The following OR6N1 variants were observed in gnomAD, a reference collection of about 807,000 sequenced individuals.
The protein encoded by OR6N1 is olfactory receptor family 6 subfamily N member 1, also known as olfactory receptor 6N1.
For synonymous variants in OR6N1, 170 were observed against 150.7 expected, an observed-to-expected ratio of 1.13 and a Z score of -0.94; for missense variants, 394 against 371.7, an observed-to-expected ratio of 1.06 and a Z score of -0.49.
the OR6N1 span, among the ~76,000 whole-genome samples, chr1:158,819,631 G>A: frequency 1.4e-4 from 22 of 152,076 alleles, no homozygotes; most frequent in Non-Finnish European, 2.6e-4. Flanking sequence ...TCCAAAAAAA[G>A]GTGTTGCCAT....
At chr1:158,819,691 GA>G in the OR6N1 span, among the ~76,000 whole-genome samples, 3 of 151,712 alleles carry the variant, frequency 2.0e-5, no homozygotes, top group African/African-American at 2.4e-5. Flanking sequence ...TCCTTTTTAG[GA>G]AAAAAAAGCA....
the OR6N1 span, among the ~76,000 whole-genome samples, chr1:158,805,731 TA>T: frequency 6.6e-6 from 1 of 152,116 alleles, no homozygotes; most frequent in Non-Finnish European, 1.5e-5. Context: ...AAATGGATCT[TA>T]AAAAAATACC....
At chr1:158,817,176 T>C in the OR6N1 span, among the ~76,000 whole-genome samples, 1 of 152,214 alleles carries the variant, frequency 6.6e-6, no homozygotes, top group East Asian at 1.9e-4. Context: ...AAGCAAAAAT[T>C]GGTTATTGAT....
chr1:158,823,860 C>A, the OR6N1 span, among the ~76,000 whole-genome samples: 1 of 152,064 alleles, frequency 6.6e-6, no homozygotes, highest in Non-Finnish European at 1.5e-5. Context: ...CTATAAACTT[C>A]CCTTTTAACA....
chr1:158,768,850 C>CT (rs1657343445), intron 1 of OR6N1, among the ~76,000 whole-genome samples: 1 of 152,280 alleles, frequency 6.6e-6, no homozygotes, highest in African/African-American at 2.4e-5. Context: ...TAATTTTTAA[C>CT]TTTTTTTCCA....
chr1:158,766,165 C>T lies in OR6N1; in HGVS notation c.518G>A (p.Arg173His), dbSNP rs760792253. The change falls in exon 2 of 2, where the codon CGC becomes CAC. Residue 173 changes from arginine to histidine, a missense_variant. By Grantham distance (29) the Arg-to-His change is conservative (BLOSUM62 0). Coordinates refer to ENST00000641846, the MANE Select transcript of OR6N1 (RefSeq NM_001005185.2). ...GAAGTCACAAAAGACGTGCTGAATGCGATTGGGGCCACAGAATGGGAGGCG... is the reference window on the plus strand; with the variant it reads ...GAAGTCACAAAAGACGTGCTGAATGTGATTGGGGCCACAGAATGGGAGGCG... ...ISRLPFCGPNRIQHVFCDFPP... is the reference protein window; with the variant it reads ...ISRLPFCGPNHIQHVFCDFPP... The T allele has an allele frequency of 2.7e-5, 44 of 1,614,008 alleles. No individual in the cohort carries two copies. The Admixed American group carries it at 4.5e-4, about 17-fold the overall frequency.
At chr1:158,813,756 G>A in the OR6N1 span, among the ~76,000 whole-genome samples, 1 of 128,516 alleles carries the variant, frequency 7.8e-6, no homozygotes, top group Non-Finnish European at 1.6e-5. Context: ...AGGCTGGAAT[G>A]CAATGGCATG....
At chr1:158,838,818 T>C in the OR6N1 span, among the ~76,000 whole-genome samples, 9 of 152,186 alleles carry the variant, frequency 5.9e-5, no homozygotes, top group Non-Finnish European at 1.5e-5. Flanking sequence ...ACATGACCTG[T>C]CTAAAAGCTA....
At chr1:158,804,387 T>C in the OR6N1 span, among the ~76,000 whole-genome samples, 1 of 152,204 alleles carries the variant, frequency 6.6e-6, no homozygotes, top group Non-Finnish European at 1.5e-5. Flanking sequence ...AAACAAGTCA[T>C]CATTTTGTTG....
At chr1:158,788,733 A>G in the OR6N1 span, among the ~76,000 whole-genome samples, 1 of 152,172 alleles carries the variant, frequency 6.6e-6, no homozygotes, top group Admixed American at 6.5e-5. Flanking sequence ...CAGTCACCCT[A>G]CTGATTTATC....
At chr1:158,797,732 A>G in the OR6N1 span, among the ~76,000 whole-genome samples, 7 of 152,168 alleles carry the variant, frequency 4.6e-5, no homozygotes, top group South Asian at 1.5e-3. Flanking sequence ...GAATGATATT[A>G]TCATCTATTT....
chr1:158,786,244 A>G, the OR6N1 span, among the ~76,000 whole-genome samples: 1 of 152,226 alleles, frequency 6.6e-6, no homozygotes, highest in Admixed American at 6.5e-5. Flanking sequence ...TATGAAAACA[A>G]TGCTCAACAT....
At chr1:158,792,909 C>T in the OR6N1 span, among the ~76,000 whole-genome samples, 7 of 152,150 alleles carry the variant, frequency 4.6e-5, no homozygotes, top group African/African-American at 1.7e-4. Flanking sequence ...TTCAGAAACA[C>T]CTATAATTAT....
chr1:158,820,758 A>T, the OR6N1 span, among the ~76,000 whole-genome samples: 1 of 152,214 alleles, frequency 6.6e-6, no homozygotes, highest in African/African-American at 2.4e-5. Context: ...CCACTTCTGA[A>T]ACTTCCCTAG....
chr1:158,817,859 G>C, the OR6N1 span, among the ~76,000 whole-genome samples: 2 of 152,156 alleles, frequency 1.3e-5, no homozygotes, highest in Non-Finnish European at 2.9e-5. Flanking sequence ...AGAGAATGGG[G>C]GAAACTGGGG....
At chr1:158,817,871 A>G in the OR6N1 span, among the ~76,000 whole-genome samples, 2 of 152,202 alleles carry the variant, frequency 1.3e-5, no homozygotes, top group Admixed American at 6.5e-5. Flanking sequence ...AAACTGGGGC[A>G]GGTTCTGAGA....
chr1:158,797,107 A>T, the OR6N1 span, among the ~76,000 whole-genome samples: 1 of 151,810 alleles, frequency 6.6e-6, no homozygotes, highest in African/African-American at 2.4e-5. Flanking sequence ...TAATTTGGCA[A>T]CTCCTTCAGC....
chr1:158,802,996 T>G, the OR6N1 span, among the ~76,000 whole-genome samples: 1 of 152,176 alleles, frequency 6.6e-6, no homozygotes, highest in Non-Finnish European at 1.5e-5. Context: ...ATTACAGCAT[T>G]TATCTATCAG....
chr1:158,778,418 A>C, the OR6N1 span, among the ~76,000 whole-genome samples: 1 of 152,348 alleles, frequency 6.6e-6, no homozygotes, highest in South Asian at 2.1e-4. Context: ...AAAGAGAAAA[A>C]GAAATATTTC....
Sources: allele counts gnomAD v4.1 joint callset (sites outside exome capture counted in the v4.1 genomes callset), GRCh38; gene constraint gnomAD v4.1.1; transcripts MANE v1.5; gene names NCBI Gene and HGNC (gene_info 2026-07-23, HGNC 2026-07-21).